The following ROBO2 variants were observed in gnomAD, a reference collection of about 807,000 sequenced individuals.
ROBO2 encodes the protein roundabout guidance receptor 2, also known as roundabout homolog 2.
ROBO2 carries 53 observed loss-of-function variants against 160.8 expected under a neutral mutation model. The ratio of observed to expected loss-of-function variants is 0.33; its 90% CI spans 0.26 to 0.41. ROBO2 has a LOEUF of 0.41. ROBO2 is among the 10% of genes least tolerant of loss of function. The pLI, the probability that ROBO2 is intolerant of heterozygous loss-of-function variation, is 1.00. For missense variants in ROBO2, 1,577 were observed against 1,722.4 expected, an observed-to-expected ratio of 0.92 and a Z score of 1.49; for synonymous variants, 664 against 611.7, an observed-to-expected ratio of 1.09 and a Z score of -1.26.
intron 2 of ROBO2, among the ~76,000 whole-genome samples, chr3:76,279,775 T>G (rs1708134192): frequency 6.6e-6 from 1 of 151,930 alleles, no homozygotes; most frequent in African/African-American, 2.4e-5. Context: ...ACACATAACA[T>G]AAAAGAAATA....
chr3:76,267,509 A>G (rs538389895), intron 2 of ROBO2, among the ~76,000 whole-genome samples: 2 of 152,290 alleles, frequency 1.3e-5, no homozygotes, highest in Non-Finnish European at 2.9e-5. Context: ...TTAAATAGAC[A>G]CTAAGCCTTT....
chr3:76,356,322 C>T (rs1486724877), intron 2 of ROBO2, among the ~76,000 whole-genome samples: 1 of 150,738 alleles, frequency 6.6e-6, no homozygotes, highest in East Asian at 2.0e-4. Context: ...AGTAATACAG[C>T]TAAATACAAT....
At chr3:76,240,109 G>T (rs144794064) in intron 2 of ROBO2, among the ~76,000 whole-genome samples, 453 of 152,212 alleles carry the variant, frequency 3.0e-3, no homozygotes, top group African/African-American at 0.01. Context: ...TATTTACAAG[G>T]CTTGATTGTT....
chr3:75,996,291 C>T (rs1285785677), intron 2 of ROBO2, among the ~76,000 whole-genome samples: 1 of 152,154 alleles, frequency 6.6e-6, no homozygotes, highest in Non-Finnish European at 1.5e-5. Context: ...AGGTTTCCCT[C>T]ATGCTGTTCT....
At chr3:77,037,082 T>C (rs930473148), upstream of ROBO2, among the ~76,000 whole-genome samples, 1 of 152,192 alleles carries the variant, frequency 6.6e-6, no homozygotes, top group African/African-American at 2.4e-5. Context: ...GTCTTTGTTC[T>C]TTTGGAATTA....
chr3:77,287,410 G>A (rs908015245), intron 2 of ROBO2, among the ~76,000 whole-genome samples: 5 of 147,768 alleles, frequency 3.4e-5, no homozygotes, highest in Admixed American at 6.8e-5. Flanking sequence ...TACTCAAAAT[G>A]TTTTGTAATA....
chr3:76,497,000 C>T (rs2080183952), intron 2 of ROBO2, among the ~76,000 whole-genome samples: 1 of 152,158 alleles, frequency 6.6e-6, no homozygotes, highest in Admixed American at 6.5e-5. Flanking sequence ...ACAAACTTCC[C>T]ATTGCTTTAA....
At position 76,084,673 on chromosome 3, in the gene ROBO2, G is replaced by A. The variant is rs139465698; in HGVS notation, c.109+147071G>A. Among the ~76,000 whole-genome samples, 1,124 of 152,154 alleles carry A rather than the reference G, an allele frequency of 7.4e-3. 18 individuals are homozygous for A. Among genetic ancestry groups the A allele is most frequent in the African/African-American group, 0.026 (1,088 of 41,516 alleles). On this transcript the variant is annotated intron_variant, in intron 2 of 26. Coordinates refer to the ROBO2 transcript ENST00000487694. ...AAAGTCTATCTCATACTAGTGCCCT[G>A]TCTCCATCTTCTCATGTCTGTAAAT...
intron 2 of ROBO2, among the ~76,000 whole-genome samples, chr3:76,251,523 G>A (rs928082724): frequency 7.2e-5 from 11 of 151,980 alleles, no homozygotes; most frequent in African/African-American, 1.7e-4. Flanking sequence ...TTTCTGTACC[G>A]GATCATACTT....
At chr3:76,012,183 A>C (rs1273009687) in intron 2 of ROBO2, among the ~76,000 whole-genome samples, 2 of 152,182 alleles carry the variant, frequency 1.3e-5, no homozygotes, top group African/African-American at 4.8e-5. Flanking sequence ...ATTCATTCTA[A>C]AATAAAGCCT....
intron 2 of ROBO2, among the ~76,000 whole-genome samples, chr3:77,126,940 C>T (rs1433163172): frequency 6.6e-6 from 1 of 151,570 alleles, no homozygotes; most frequent in African/African-American, 2.4e-5. Flanking sequence ...AGGTGCCCGC[C>T]ACCACGCCCG....
intron 2 of ROBO2, among the ~76,000 whole-genome samples, chr3:76,563,148 G>A (rs1172292956): frequency 6.6e-6 from 1 of 151,944 alleles, no homozygotes; most frequent in African/African-American, 2.4e-5. Flanking sequence ...TGAAAAATTG[G>A]GGAAGATGCA....
intron 2 of ROBO2, among the ~76,000 whole-genome samples, chr3:77,102,491 G>T (rs553304716): frequency 1.6e-4 from 24 of 152,258 alleles, no homozygotes; most frequent in African/African-American, 5.5e-4. Context: ...AAGTAGTCAA[G>T]AATGTATTGA....
At chr3:76,795,513 C>A (rs192835070) in intron 2 of ROBO2, among the ~76,000 whole-genome samples, 11 of 152,138 alleles carry the variant, frequency 7.2e-5, no homozygotes, top group African/African-American at 2.4e-4. Flanking sequence ...AAACCACTCT[C>A]TTTGCTCATC....
intron 1 of ROBO2, among the ~76,000 whole-genome samples, chr3:77,042,058 G>T (rs1345863674): frequency 6.6e-6 from 1 of 152,168 alleles, no homozygotes; most frequent in Non-Finnish European, 1.5e-5. Flanking sequence ...AAAAAGGAAG[G>T]CTTTCTATAA....
At position 77,591,091 on chromosome 3, in the gene ROBO2, C is replaced by A. The variant is rs115419336; in HGVS notation, c.2683+2158C>A. 9.7e-3 allele frequency among the ~76,000 whole-genome samples: 1,482 copies of A among 152,110 alleles called. 33 individuals are homozygous for A. Among genetic ancestry groups the A allele is most frequent in the African/African-American group, 0.034 (1,426 of 41,486 alleles). ...ATATAAACAATTTAATATGAGTGAG[C>A]AAATTATGTGAAATGCTAAACACTT... is the stretch of plus-strand genomic sequence containing the variant. On this transcript the variant is annotated intron_variant, in intron 17 of 25. Transcript: ENST00000461745.
At chr3:77,213,659 C>A (rs1175821894) in intron 2 of ROBO2, among the ~76,000 whole-genome samples, 1 of 152,002 alleles carries the variant, frequency 6.6e-6, no homozygotes, top group African/African-American at 2.4e-5. Flanking sequence ...TAGTTCTTTT[C>A]ATTGTGATTT....
At chr3:77,567,030 A>G (rs933547537) in intron 12 of ROBO2, among the ~76,000 whole-genome samples, 2 of 151,974 alleles carry the variant, frequency 1.3e-5, no homozygotes, top group African/African-American at 4.8e-5. Flanking sequence ...TGTTATTCAC[A>G]TAAAGGGACT....
chr3:76,036,662 A>G (rs1306029122), intron 2 of ROBO2, among the ~76,000 whole-genome samples: 1 of 149,448 alleles, frequency 6.7e-6, no homozygotes, highest in Non-Finnish European at 1.5e-5. Flanking sequence ...GCACCACCGT[A>G]CCCAGCTAAT....
Sources: allele counts gnomAD v4.1 joint callset (sites outside exome capture counted in the v4.1 genomes callset), GRCh38; gene constraint gnomAD v4.1.1; transcripts MANE v1.5; gene names NCBI Gene and HGNC (gene_info 2026-07-23, HGNC 2026-07-21).